The following DGKB variants were observed in gnomAD, a reference collection of about 807,000 sequenced individuals.
DGKB encodes the protein diacylglycerol kinase beta, also known as 90 kDa diacylglycerol kinase.
DGKB carries 67 observed loss-of-function variants against 114.3 expected under a neutral mutation model. The ratio of observed to expected loss-of-function variants is 0.59; its 90% CI spans 0.48 to 0.72. The LOEUF is 0.72. Among genes scored for constraint, DGKB ranks in the 30% least tolerant of loss-of-function variants. DGKB has a pLI of 0.00. For synonymous variants in DGKB, 398 were observed against 323.1 expected, an observed-to-expected ratio of 1.23 and a Z score of -2.49; for missense variants, 907 against 975.2, an observed-to-expected ratio of 0.93 and a Z score of 0.93.
intron 17 of DGKB, among the ~76,000 whole-genome samples, chr7:14,604,586 G>A (rs1189356455): frequency 2.0e-5 from 3 of 152,026 alleles, no homozygotes; most frequent in African/African-American, 7.2e-5. Context: ...AACTAGAAAT[G>A]GTGATAAAAC....
intron 20 of DGKB, among the ~76,000 whole-genome samples, chr7:14,495,393 T>C (rs1351701515): frequency 6.6e-6 from 1 of 151,824 alleles, no homozygotes; most frequent in Non-Finnish European, 1.5e-5. Context: ...CACAACAATT[T>C]CACTGTTATT....
At chr7:14,690,585 A>G (rs1822654463) in intron 9 of DGKB, among the ~76,000 whole-genome samples, 1 of 152,252 alleles carries the variant, frequency 6.6e-6, no homozygotes. Flanking sequence ...GTTTTTGCAC[A>G]TGCAGTTTTA....
intron 23 of DGKB, among the ~76,000 whole-genome samples, chr7:14,264,128 G>T (rs1797161795): frequency 1.3e-5 from 2 of 152,132 alleles, no homozygotes; most frequent in Non-Finnish European, 2.9e-5. Context: ...ATTGCCAGTA[G>T]TAAGATGAGG....
At chr7:14,311,389 T>C (rs1341855219) in intron 23 of DGKB, among the ~76,000 whole-genome samples, 3 of 152,136 alleles carry the variant, frequency 2.0e-5, no homozygotes, top group African/African-American at 7.2e-5. Flanking sequence ...GTAACAGCCA[T>C]CAACTGTCGC....
intron 23 of DGKB, among the ~76,000 whole-genome samples, chr7:14,219,633 T>C (rs1011442494): frequency 7.9e-5 from 12 of 151,814 alleles, no homozygotes; most frequent in Admixed American, 6.6e-5. Context: ...AATTGGGCTA[T>C]TTATTTTTTG....
At chr7:14,276,662 C>T (rs1799045415) in intron 23 of DGKB, among the ~76,000 whole-genome samples, 1 of 145,218 alleles carries the variant, frequency 6.9e-6, no homozygotes, top group Non-Finnish European at 1.5e-5. Context: ...TTTTTTGGTG[C>T]TTTTAAGTAT....
chr7:14,324,422 G>A (rs1172714655), intron 23 of DGKB, among the ~76,000 whole-genome samples: 1 of 149,310 alleles, frequency 6.7e-6, no homozygotes, highest in East Asian at 2.0e-4. Flanking sequence ...ACTCCAGCCT[G>A]GGTGACAGAG....
intron 21 of DGKB, 84 bp downstream of exon 21, chr7:14,478,077 T>C (rs377129592): frequency 3.5e-6 from 3 of 858,630 alleles, no homozygotes; most frequent in Non-Finnish European, 5.5e-6. Context: ...CAGTAGATTA[T>C]AAAATATTCT....
At chr7:14,957,911 T>C (rs939067166) in intron 1 of DGKB, among the ~76,000 whole-genome samples, 12 of 152,218 alleles carry the variant, frequency 7.9e-5, no homozygotes, top group African/African-American at 2.9e-4. Flanking sequence ...CTCGTAGCAC[T>C]ATAAAATCAT....
At chr7:14,725,374 C>T (rs919453403) in intron 5 of DGKB, among the ~76,000 whole-genome samples, 4 of 151,830 alleles carry the variant, frequency 2.6e-5, no homozygotes, top group Admixed American at 1.3e-4. Context: ...AAATTATTCT[C>T]AGTAATTTGA....
intron 7 of DGKB, among the ~76,000 whole-genome samples, chr7:14,700,653 C>G (rs1825009535): frequency 6.6e-6 from 1 of 152,164 alleles, no homozygotes; most frequent in Non-Finnish European, 1.5e-5. Flanking sequence ...CATTATCCTA[C>G]TCAAAGTTAC....
At chr7:14,572,993 A>G (rs1798616310) in intron 20 of DGKB, among the ~76,000 whole-genome samples, 1 of 152,270 alleles carries the variant, frequency 6.6e-6, no homozygotes, top group South Asian at 2.1e-4. Context: ...AAAAGAGCCA[A>G]GATTGAATAA....
intron 14 of DGKB, among the ~76,000 whole-genome samples, chr7:14,622,643 C>T (rs571105158): frequency 2.5e-4 from 38 of 152,250 alleles, no homozygotes; most frequent in African/African-American, 8.9e-4. Flanking sequence ...ATGGCTTAAA[C>T]ATCCATTATC....
At chr7:14,196,362 C>A (rs1021516542) in intron 23 of DGKB, among the ~76,000 whole-genome samples, 1 of 152,042 alleles carries the variant, frequency 6.6e-6, no homozygotes, top group African/African-American at 2.4e-5. Context: ...AAACAGACTG[C>A]GGGCAGATTG....
At chr7:14,458,569 C>T (rs1373763638) in intron 21 of DGKB, among the ~76,000 whole-genome samples, 2 of 152,128 alleles carry the variant, frequency 1.3e-5, no homozygotes, top group East Asian at 1.9e-4. Context: ...CAGGGTAGGG[C>T]GTTGCCTCAC....
At chr7:14,855,067 A>G (rs1320992361) in intron 1 of DGKB, among the ~76,000 whole-genome samples, 2 of 152,218 alleles carry the variant, frequency 1.3e-5, no homozygotes, top group Non-Finnish European at 2.9e-5. Context: ...TTCTAAAAAA[A>G]GCTACTAGAA....
intron 1 of DGKB, among the ~76,000 whole-genome samples, chr7:14,944,356 A>G (rs1338459487): frequency 2.6e-5 from 4 of 151,940 alleles, no homozygotes; most frequent in Non-Finnish European, 5.9e-5. Context: ...AATGTGTGAT[A>G]TTCGTGAAGA....
At chr7:14,160,102 C>CA (rs1163784041) in intron 25 of DGKB, among the ~76,000 whole-genome samples, 17 of 152,096 alleles carry the variant, frequency 1.1e-4, no homozygotes, top group African/African-American at 3.6e-4. Context: ...ATGATATAAT[C>CA]TATCAAAAGT....
chr7:14,227,452 A>G (rs545544918), intron 23 of DGKB, among the ~76,000 whole-genome samples: 14 of 152,130 alleles, frequency 9.2e-5, no homozygotes, highest in Non-Finnish European at 1.8e-4. Flanking sequence ...GCAAATGAAA[A>G]GAATAGATCA....
Sources: gnomAD v4.1 joint callset for allele counts (sites outside exome capture counted in the v4.1 genomes callset) on GRCh38, gnomAD v4.1.1 for gene constraint, MANE v1.5 for transcripts, NCBI Gene and HGNC (gene_info 2026-07-23, HGNC 2026-07-21) for gene names.